Variants in AASS observed in about 807,000 individuals in gnomAD.
AASS encodes the protein alpha-aminoadipic semialdehyde synthase, mitochondrial.
Under a neutral mutation model 105.4 loss-of-function variants are expected in AASS, and 86 were observed. That is an observed-to-expected ratio of 0.82 (90% CI 0.69 to 0.98). The LOEUF (loss-of-function observed/expected upper bound fraction) is 0.98. AASS is among the 50% of genes least tolerant of loss of function. AASS has a pLI of 0.00. For missense variants in AASS, 1,048 were observed against 1,143.2 expected (o/e 0.92, Z 1.20); for synonymous variants, 381 against 394.8 (o/e 0.96, Z 0.41).
intron 1 of AASS, among the ~76,000 whole-genome samples, chr7:122,134,789 A>T (rs1796070873): frequency 6.6e-6 from 1 of 152,164 alleles, no homozygotes; most frequent in South Asian, 2.1e-4. Flanking sequence ...TACCCAAAGG[A>T]TTAGAAATCA....
chr7:122,131,210 T>C (rs1026751427), intron 2 of AASS, among the ~76,000 whole-genome samples: 1 of 151,660 alleles, frequency 6.6e-6, no homozygotes, highest in African/African-American at 2.4e-5. Flanking sequence ...ACATTAAAAC[T>C]GAATAGAAAC....
At chr7:122,128,327 T>C (rs1795749708) in intron 3 of AASS, among the ~76,000 whole-genome samples, 1 of 152,178 alleles carries the variant, frequency 6.6e-6, no homozygotes, top group South Asian at 2.1e-4. Context: ...GAACATGGTG[T>C]ACTCTAACCC....
chr7:122,127,435 C>T (rs987740679), intron 3 of AASS, among the ~76,000 whole-genome samples: 1 of 151,850 alleles, frequency 6.6e-6, no homozygotes, highest in African/African-American at 2.4e-5. Flanking sequence ...CAAAATGCTG[C>T]CCAAAAGCAG....
chr7:122,083,536 G>A (rs1304815263), intron 19 of AASS, among the ~76,000 whole-genome samples: 5 of 152,048 alleles, frequency 3.3e-5, no homozygotes, highest in Non-Finnish European at 7.4e-5. Context: ...TGCAGAAACT[G>A]CAGTCAACAG....
rs142491173 is a variant in AASS at position 122,131,915 on chromosome 7, C to T, written c.210+1602G>A. Among the ~76,000 whole-genome samples, 56 of 152,170 alleles carry T rather than the reference C, an allele frequency of 3.7e-4. 1 individual carries two copies. In the East Asian group the frequency reaches 0.01, roughly 28 times the overall value. ...AGAAGCCCCCTTGGAAGGACTCACA[C>T]TAACCAATTTTGGGATAATTCAGAC... On this transcript the variant is annotated intron_variant, in intron 2 of 23. Transcript: ENST00000417368.
intron 23 of AASS, among the ~76,000 whole-genome samples, chr7:122,077,532 A>C (rs1023760816): frequency 6.6e-6 from 1 of 152,188 alleles, no homozygotes; most frequent in Non-Finnish European, 1.5e-5. Flanking sequence ...AACAACTCTG[A>C]AACAGGGATG....
chr7:122,123,560 G>GGC (rs1795526582), intron 4 of AASS, among the ~76,000 whole-genome samples: 1 of 152,164 alleles, frequency 6.6e-6, no homozygotes, highest in Admixed American at 6.5e-5. Context: ...CCCAGTTATA[G>GGC]ATTACATTTC....
intron 13 of AASS, among the ~76,000 whole-genome samples, chr7:122,100,389 T>C (rs1794371868): frequency 6.6e-6 from 1 of 152,032 alleles, no homozygotes; most frequent in African/African-American, 2.4e-5. Context: ...TACAGGGTTA[T>C]AGAGCTAGCT....
At position 122,111,292 on chromosome 7, in the gene AASS, A is replaced by G. The variant is rs79098734; in HGVS notation, c.1278+1826T>C. On this transcript the variant is annotated intron_variant, in intron 11 of 23. Coordinates refer to ENST00000417368, the MANE Select transcript of AASS (RefSeq NM_005763.4). ...AACAAAATTTTTAAAAAAGAACCCA[A>G]TGGAAATTCTAGAACTGAAAATAGA... Among the ~76,000 whole-genome samples, 637 of 152,310 alleles carry G rather than the reference A, an allele frequency of 4.2e-3. 1 individual carries two copies. Among genetic ancestry groups the G allele is most frequent in the South Asian group, 9.1e-3 (44 of 4,834 alleles).
intron 23 of AASS, among the ~76,000 whole-genome samples, chr7:122,077,553 C>A (rs558361265): frequency 6.6e-6 from 1 of 152,282 alleles, no homozygotes; most frequent in East Asian, 1.9e-4. Context: ...GCAATACCCA[C>A]TTTAAATATG....
At chr7:122,092,756 G>T (rs1340481684) in intron 17 of AASS, 87 bp downstream of exon 17, 1 of 1,105,380 alleles carries the variant, frequency 9.0e-7, no homozygotes, top group South Asian at 1.3e-5. Flanking sequence ...TTGATTAAAG[G>T]TGTTGCTATA....
chr7:122,117,890 AG>A (rs1179881924), intron 6 of AASS, among the ~76,000 whole-genome samples: 1 of 152,092 alleles, frequency 6.6e-6, no homozygotes, highest in Non-Finnish European at 1.5e-5. Flanking sequence ...TCCTGACCTC[AG>A]GTGATCCGCC....
At chr7:122,137,328 C>T (rs1796191848) in intron 1 of AASS, among the ~76,000 whole-genome samples, 1 of 152,194 alleles carries the variant, frequency 6.6e-6, no homozygotes, top group Admixed American at 6.5e-5. Context: ...GGAATTTTCT[C>T]TTCTTTGCCA....
chr7:122,117,226 A>G (rs574656869), intron 6 of AASS, among the ~76,000 whole-genome samples: 2 of 152,346 alleles, frequency 1.3e-5, no homozygotes, highest in East Asian at 3.9e-4. Flanking sequence ...GTGTTTAGAA[A>G]TGAGGGAAAA....
At position 122,118,638 on chromosome 7, in the gene AASS, A is replaced by G; in HGVS notation, c.473-8T>C. On this transcript the variant is annotated splice_region_variant and splice_polypyrimidine_tract_variant and intron_variant, in intron 4 of 23. Coordinates refer to ENST00000417368, the MANE Select transcript of AASS (RefSeq NM_005763.4). The stretch of plus-strand genomic sequence containing the variant: ...GTAAAATGTTGATCATTCCTGTTAC[A>G]GAATCAGACCAATAGAAAGACTATT... 1 of 1,613,240 alleles carries G rather than the reference A, an allele frequency of 6.2e-7. No homozygotes were observed. Among genetic ancestry groups the G allele is most frequent in the Non-Finnish European group, 8.5e-7 (1 of 1,179,616 alleles).
At chr7:122,122,295 C>A (rs764277109) in intron 4 of AASS, among the ~76,000 whole-genome samples, 26 of 150,816 alleles carry the variant, frequency 1.7e-4, no homozygotes, top group Non-Finnish European at 3.5e-4. Context: ...CAAAATGGAG[C>A]ATAAAGAGAG....
intron 11 of AASS, among the ~76,000 whole-genome samples, chr7:122,102,112 A>C (rs1794459170): frequency 6.6e-6 from 1 of 151,882 alleles, no homozygotes; most frequent in Admixed American, 6.6e-5. Context: ...CAAGGCCACC[A>C]ACCCTGCAGT....
In AASS at chr7:122,116,764, G is replaced by A. The variant is rs745523217; in HGVS notation, c.767-4C>T. ...GTCCCATACACTTTTCTGAGGTCTT[G>A]AAAAGGAGAAAGAAATTAGTAAAGT... On this transcript the variant is annotated splice_region_variant and splice_polypyrimidine_tract_variant and intron_variant, in intron 7 of 23. Coordinates refer to ENST00000417368, the MANE Select transcript of AASS (RefSeq NM_005763.4). 2 of 1,614,018 alleles carry A rather than the reference G, an allele frequency of 1.2e-6. No individual in the cohort carries two copies. The highest frequency in any genetic ancestry group is 1.7e-6 in the Non-Finnish European group (2 of 1,179,966).
Position 122,120,350 on chromosome 7 carries a change from T to C in AASS, c.473-1720A>G, listed in dbSNP as rs1200214042. 3.3e-5 allele frequency among the ~76,000 whole-genome samples: 5 copies of C among 152,172 alleles called. No individual in the cohort carries two copies. The East Asian group carries it at 9.6e-4, about 29-fold the overall frequency. ...ATCTAGTTCATCAAGGTTGCCAAAT[T>C]CATTGACCTATTCATAATATTCCTT... On this transcript the variant is annotated intron_variant, in intron 4 of 23. Transcript: ENST00000417368.
Sources: allele counts gnomAD v4.1 joint callset (sites outside exome capture counted in the v4.1 genomes callset), GRCh38; gene constraint gnomAD v4.1.1; transcripts MANE v1.5; gene names NCBI Gene and HGNC (gene_info 2026-07-23, HGNC 2026-07-21).